Variants in ADAM18 observed in about 807,000 individuals in gnomAD.
ADAM18 encodes disintegrin and metalloproteinase domain-containing protein 18.
ADAM18 carries 117 observed loss-of-function variants against 94.4 expected under a neutral mutation model. The observed-to-expected ratio is 1.24, with a 90% CI of 1.07 to 1.45. The LOEUF is 1.45. ADAM18 is among the 40% of genes most tolerant of loss of function. ADAM18 has a pLI of 0.00. For missense variants in ADAM18, 936 were observed against 880.0 expected (o/e 1.06, Z -0.81); for synonymous variants, 327 against 291.6 (o/e 1.12, Z -1.24).
chr8:39,601,589 C>G (rs1287256027), intron 2 of ADAM18, among the ~76,000 whole-genome samples: 1 of 152,064 alleles, frequency 6.6e-6, no homozygotes, highest in Non-Finnish European at 1.5e-5. Context: ...TTCTCTTAAT[C>G]AACCCATGTC....
chr8:39,665,380 G>T (rs1422482249), intron 13 of ADAM18, among the ~76,000 whole-genome samples: 2 of 152,080 alleles, frequency 1.3e-5, no homozygotes, highest in Admixed American at 6.6e-5. Context: ...TCCATTTTTG[G>T]TGATGAAAAT....
chr8:39,586,249 G>A (rs1304349600), intron 2 of ADAM18, among the ~76,000 whole-genome samples: 1 of 152,144 alleles, frequency 6.6e-6, no homozygotes, highest in Non-Finnish European at 1.5e-5. Context: ...AGAGAAGTTG[G>A]AAAGGATTTT....
chr8:39,724,849 A>G (rs966900935), intron 19 of ADAM18, among the ~76,000 whole-genome samples: 7 of 151,954 alleles, frequency 4.6e-5, no homozygotes, highest in Admixed American at 6.6e-5. Flanking sequence ...ATTCCCAAAT[A>G]TTTATAGATT....
intron 6 of ADAM18, among the ~76,000 whole-genome samples, chr8:39,625,635 A>T (rs1819746434): frequency 6.6e-6 from 1 of 151,712 alleles, no homozygotes; most frequent in Non-Finnish European, 1.5e-5. Flanking sequence ...GAATGCTTTC[A>T]GCTTTTTACC....
intron 14 of ADAM18, among the ~76,000 whole-genome samples, chr8:39,669,927 A>G (rs1427237740): frequency 6.6e-6 from 1 of 152,166 alleles, no homozygotes; most frequent in African/African-American, 2.4e-5. Context: ...TTACAGTCCC[A>G]CCAACAGTGT....
At chr8:39,633,974 C>G (rs1333841415) in intron 7 of ADAM18, among the ~76,000 whole-genome samples, 1 of 152,022 alleles carries the variant, frequency 6.6e-6, no homozygotes, top group Non-Finnish European at 1.5e-5. Context: ...CAGAATAACC[C>G]CAAAGACATT....
chr8:39,589,368 A>G (rs982168914), intron 2 of ADAM18, among the ~76,000 whole-genome samples: 6 of 152,320 alleles, frequency 3.9e-5, no homozygotes, highest in African/African-American at 1.4e-4. Context: ...ATATATATAT[A>G]TACTTCATAA....
intron 6 of ADAM18, among the ~76,000 whole-genome samples, chr8:39,614,159 C>T (rs1012989508): frequency 2.6e-5 from 4 of 151,980 alleles, no homozygotes; most frequent in Non-Finnish European, 5.9e-5. Context: ...GACAACCATC[C>T]CAAGACACAT....
At chr8:39,587,387 C>G (rs552418967) in intron 2 of ADAM18, among the ~76,000 whole-genome samples, 3 of 152,154 alleles carry the variant, frequency 2.0e-5, no homozygotes, top group Non-Finnish European at 2.9e-5. Flanking sequence ...CTATTTCTCT[C>G]GACCCAGACC....
chr8:39,590,993 C>A (rs961985367), intron 2 of ADAM18, among the ~76,000 whole-genome samples: 1 of 152,172 alleles, frequency 6.6e-6, no homozygotes, highest in African/African-American at 2.4e-5. Context: ...TATCCCAGTG[C>A]ATACCAAACT....
At chr8:39,670,590 G>C (rs1231862319) in intron 14 of ADAM18, among the ~76,000 whole-genome samples, 1 of 152,146 alleles carries the variant, frequency 6.6e-6, no homozygotes, top group Non-Finnish European at 1.5e-5. Context: ...TAAATGCAAA[G>C]AGCCTGCAAT....
intron 2 of ADAM18, among the ~76,000 whole-genome samples, chr8:39,604,036 G>T (rs1008150433): frequency 2.6e-5 from 4 of 152,032 alleles, no homozygotes; most frequent in Non-Finnish European, 4.4e-5. Context: ...ATCTATAATT[G>T]ATTCATTTTT....
At chr8:39,680,285 T>C in intron 16 of ADAM18, 59 bp downstream of exon 16, 1 of 1,435,054 alleles carries the variant, frequency 7.0e-7, no homozygotes, top group South Asian at 1.3e-5. Context: ...TATCAGATAC[T>C]GCATTCCATG....
At chr8:39,671,939 G>A (rs933292961) in intron 14 of ADAM18, among the ~76,000 whole-genome samples, 1 of 152,074 alleles carries the variant, frequency 6.6e-6, no homozygotes, top group African/African-American at 2.4e-5. Context: ...ATAGAATAGA[G>A]GAACACAACA....
chr8:39,698,867 C>T lies in ADAM18; in HGVS notation c.1902+6187C>T, dbSNP rs753182424. Among the ~76,000 whole-genome samples, 3 of 152,040 alleles carry T rather than the reference C, an allele frequency of 2.0e-5. No homozygotes were observed. The East Asian group carries it at 5.8e-4, about 29-fold the overall frequency. ...TGGTGTAAGTATCTAAATCTTTCACCTAAAAAACTGCAGCATCTTTATCTC... is the reference window on the plus strand; with the variant it reads ...TGGTGTAAGTATCTAAATCTTTCACTTAAAAAACTGCAGCATCTTTATCTC... On this transcript the variant is annotated intron_variant, in intron 17 of 19. Coordinates refer to ENST00000265707, the MANE Select transcript of ADAM18 (RefSeq NM_014237.3).
intron 2 of ADAM18, among the ~76,000 whole-genome samples, chr8:39,596,635 T>C (rs1818748214): frequency 6.6e-6 from 1 of 152,218 alleles, no homozygotes; most frequent in African/African-American, 2.4e-5. Flanking sequence ...GCCATAAATA[T>C]TTCTGTATAG....
At chr8:39,715,181 A>G (rs1022952162) in intron 18 of ADAM18, among the ~76,000 whole-genome samples, 1 of 152,120 alleles carries the variant, frequency 6.6e-6, no homozygotes, top group East Asian at 1.9e-4. Flanking sequence ...AGAGAACTGT[A>G]AAGCCCTAAA....
At chr8:39,613,434 A>G (rs997258618) in intron 6 of ADAM18, among the ~76,000 whole-genome samples, 6 of 152,140 alleles carry the variant, frequency 3.9e-5, no homozygotes, top group African/African-American at 1.4e-4. Context: ...ACTTACAAAC[A>G]TGGTCAAACT....
At chr8:39,648,278 G>C (rs991676303) in intron 11 of ADAM18, 66 bp from the exon 12 acceptor site, 11 of 1,294,786 alleles carry the variant, frequency 8.5e-6, no homozygotes, top group African/African-American at 4.5e-5. Flanking sequence ...ATTATGTATG[G>C]AGTGTTGTTT....
Sources: allele counts gnomAD v4.1 joint callset (sites outside exome capture counted in the v4.1 genomes callset), GRCh38; gene constraint gnomAD v4.1.1; transcripts MANE v1.5; gene names NCBI Gene and HGNC (gene_info 2026-07-23, HGNC 2026-07-21).